GRB10: variants seen among roughly 807,000 people sequenced by gnomAD.
GRB10 encodes the protein growth factor receptor-bound protein 10.
Under a neutral mutation model 80.9 loss-of-function variants are expected in GRB10, and 20 were observed. That is an observed-to-expected ratio of 0.25 (90% CI 0.17 to 0.36). GRB10 has a LOEUF of 0.36. Among genes scored for constraint, GRB10 ranks in the 10% least tolerant of loss-of-function variants. The probability of loss-of-function intolerance (pLI) is 1.00; values close to 1 mark genes in which losing one functional copy is unlikely to be tolerated. For synonymous variants in GRB10, 291 were observed against 291.5 expected, an observed-to-expected ratio of 1.00 and a Z score of 0.02; for missense variants, 548 against 747.7, an observed-to-expected ratio of 0.73 and a Z score of 3.12.
chr7:50,643,573 C>A (rs2056668298), intron 7 of GRB10, among the ~76,000 whole-genome samples: 2 of 152,102 alleles, frequency 1.3e-5, no homozygotes, highest in Admixed American at 6.5e-5. Flanking sequence ...ATCGGGGAAA[C>A]CTGAACGAGG....
intron 3 of GRB10, among the ~76,000 whole-genome samples, chr7:50,743,665 G>A (rs2072310608): frequency 6.6e-6 from 1 of 152,146 alleles, no homozygotes; most frequent in African/African-American, 2.4e-5. Flanking sequence ...AGTCCTGAAG[G>A]GGACAGCACA....
intron 7 of GRB10, among the ~76,000 whole-genome samples, chr7:50,636,974 T>TC (rs1157620351): frequency 6.6e-6 from 1 of 152,184 alleles, no homozygotes; most frequent in Non-Finnish European, 1.5e-5. Flanking sequence ...GAGTTGTGTT[T>TC]TTTTTGTTTT....
chr7:50,731,684 T>C (rs2153692138), intron 4 of GRB10, among the ~76,000 whole-genome samples: 1 of 152,352 alleles, frequency 6.6e-6, no homozygotes, highest in African/African-American at 2.4e-5. Context: ...GAAACTGTTC[T>C]AGCAGCCCAT....
In GRB10 at chr7:50,598,988, T is replaced by A. The variant is rs537522486; in HGVS notation, c.1545-3458A>T. ...TCCACATGCCCTGGGGGGATAAGCA[T>A]GGTGTTGGGGGTGGGGTGGGATTGT... On this transcript the variant is annotated intron_variant, in intron 17 of 18. Coordinates refer to ENST00000401949, the MANE Select transcript of GRB10 (RefSeq NM_001350814.2). Among the ~76,000 whole-genome samples the A allele has an allele frequency of 4.0e-5, 5 of 124,030 alleles. No homozygotes were observed. The East Asian group carries it at 1.1e-3, about 29-fold the overall frequency. 81.4% of individuals were successfully genotyped at this position (124,030 alleles called of 152,430 possible). A position where few individuals can be genotyped will look rare whatever the true frequency, so the allele number is the denominator to read the frequency against.
chr7:50,741,863 T>C (rs1360810994), intron 3 of GRB10, among the ~76,000 whole-genome samples: 5 of 151,928 alleles, frequency 3.3e-5, no homozygotes, highest in Non-Finnish European at 5.9e-5. Flanking sequence ...CCAAGAAATA[T>C]AATAAAAGAC....
intron 2 of GRB10, among the ~76,000 whole-genome samples, chr7:50,765,205 A>G (rs1352882155): frequency 6.6e-6 from 1 of 152,234 alleles, no homozygotes; most frequent in African/African-American, 2.4e-5. Context: ...GGGACCCCCT[A>G]TACTCTGCCG....
chr7:50,650,211 A>G (rs2057834318), intron 7 of GRB10, among the ~76,000 whole-genome samples: 1 of 152,232 alleles, frequency 6.6e-6, no homozygotes, highest in Admixed American at 6.5e-5. Context: ...GCTGTGTCAC[A>G]TGCTGCTGAG....
chr7:50,674,463 G>A lies in GRB10; in HGVS notation c.335C>T (p.Ser112Phe). ...GACAGCGAGGATGTGCACAGGCTGG[G>A]AGCGCTGCACCCTCTGCCTCGGGGA... The part of the protein sequence containing the change: ...QVSPRQRVQR[S>F]QPVHILAVRR... Residue 112 changes from serine to phenylalanine, a missense_variant, in exon 6 of 19, where the codon TCC (serine) becomes TTC (phenylalanine). Ser to Phe is a radical substitution (Grantham distance 155). Coordinates refer to ENST00000401949, the MANE Select transcript of GRB10 (RefSeq NM_001350814.2). 2 of 1,606,580 alleles carry A rather than the reference G, an allele frequency of 1.2e-6. No individual in the cohort carries two copies. Among genetic ancestry groups the A allele is most frequent in the Non-Finnish European group, 1.7e-6 (2 of 1,179,990 alleles).
At chr7:50,769,032 A>G (rs142647055) in intron 2 of GRB10, among the ~76,000 whole-genome samples, 64 of 152,290 alleles carry the variant, frequency 4.2e-4, no homozygotes, top group Middle Eastern at 6.8e-3. Context: ...CAGGCAAATC[A>G]TTCTGATGCC....
In GRB10 at chr7:50,622,486, T is replaced by A. The variant is rs79985830; in HGVS notation, c.662-3201A>T. On this transcript the variant is annotated intron_variant, in intron 8 of 18. Coordinates refer to ENST00000401949, the MANE Select transcript of GRB10 (RefSeq NM_001350814.2). ...CCCGAAAAGGACTTGTTGCTCTTCC[T>A]GTTTCAACCTAATTCTCAGGACAAC... Among the ~76,000 whole-genome samples, 110 of 152,326 alleles carry A rather than the reference T, an allele frequency of 7.2e-4. 1 individual carries two copies. Among genetic ancestry groups the A allele is most frequent in the African/African-American group, 2.5e-3 (106 of 41,580 alleles).
At position 50,595,448 on chromosome 7, in the gene GRB10, G is replaced by T; in HGVS notation, c.1627C>A (p.Gln543Lys). The stretch of plus-strand genomic sequence containing the variant: ...ACATCAATACTTACAGGTAAGATCT[G>T]GAAATTTTTAATTTTCTGGTGATGA... ...LCHHQKIKNF[Q>K]ILPCEDDGQT... The change falls in exon 18 of 19, where the codon CAG becomes AAG. Residue 543 changes from glutamine (Q) to lysine (K), a missense_variant. Gln to Lys is a moderately conservative substitution (Grantham distance 53). Around this residue, in one of 4 missense-constraint regions of GRB10, gnomAD observed 32 missense variants for 66.0 expected, o/e 0.48. Transcript: ENST00000401949. 6.4e-7 allele frequency: 1 copy of T among 1,572,142 alleles called. No homozygotes were observed. Among genetic ancestry groups the T allele is most frequent in the Non-Finnish European group, 8.8e-7 (1 of 1,141,956 alleles).
intron 8 of GRB10, among the ~76,000 whole-genome samples, chr7:50,624,330 T>C (rs1403324208): frequency 6.6e-6 from 1 of 152,248 alleles, no homozygotes; most frequent in African/African-American, 2.4e-5. Context: ...AAGAAGCCCC[T>C]GTTGGCCTTG....
chr7:50,640,128 C>A (rs1224271928), intron 7 of GRB10, among the ~76,000 whole-genome samples: 1 of 152,302 alleles, frequency 6.6e-6, no homozygotes, highest in African/African-American at 2.4e-5. Context: ...AGGGGCAGGG[C>A]CCTCTTGGAG....
intron 7 of GRB10, among the ~76,000 whole-genome samples, chr7:50,666,225 C>T (rs997816488): frequency 6.6e-6 from 1 of 152,214 alleles, no homozygotes; most frequent in South Asian, 2.1e-4. Context: ...CACTCTGTCA[C>T]CATCGTGCTA....
At chr7:50,695,061 G>A (rs1028960697) in intron 5 of GRB10, among the ~76,000 whole-genome samples, 1 of 152,114 alleles carries the variant, frequency 6.6e-6, no homozygotes, top group Non-Finnish European at 1.5e-5. Flanking sequence ...CATCCTCCCA[G>A]GGTATGATCC....
chr7:50,646,521 T>C (rs1232947744), intron 7 of GRB10, among the ~76,000 whole-genome samples: 2 of 152,250 alleles, frequency 1.3e-5, no homozygotes, highest in Non-Finnish European at 1.5e-5. Flanking sequence ...CTATGAATGT[T>C]ACTTTTATAA....
intron 17 of GRB10, among the ~76,000 whole-genome samples, chr7:50,597,535 G>A (rs1487011449): frequency 1.3e-5 from 2 of 152,236 alleles, no homozygotes; most frequent in East Asian, 1.9e-4. Context: ...AATGTGGGGC[G>A]TCCCTTTCTC....
chr7:50,726,397 CA>C (rs200348019), intron 4 of GRB10, among the ~76,000 whole-genome samples: 1 of 147,468 alleles, frequency 6.8e-6, no homozygotes. Context: ...GACTCTGTCT[CA>C]AAAAAAACAA....
intron 2 of GRB10, among the ~76,000 whole-genome samples, chr7:50,769,186 C>T (rs925894997): frequency 2.6e-5 from 4 of 152,242 alleles, no homozygotes; most frequent in Admixed American, 6.5e-5. Flanking sequence ...TTTCATTACA[C>T]ATCCTCCTCT....
Sources: gnomAD v4.1 joint callset for allele counts (sites outside exome capture counted in the v4.1 genomes callset) on GRCh38, gnomAD v4.1.1 for gene constraint, gnomAD v4.1.1 regional missense constraint, MANE v1.5 for transcripts, NCBI Gene and HGNC (gene_info 2026-07-23, HGNC 2026-07-21) for gene names.